PTBP3: variants seen among roughly 807,000 people sequenced by gnomAD.
PTBP3 encodes polypyrimidine tract binding protein 3, also known as polypyrimidine tract-binding protein 3.
PTBP3 carries 20 observed loss-of-function variants against 58.7 expected under a neutral mutation model. That is an observed-to-expected ratio of 0.34 (90% confidence interval 0.24 to 0.50). The LOEUF (loss-of-function observed/expected upper bound fraction) is 0.50, where lower values mean the gene tolerates loss of function less well. PTBP3 is among the 20% of genes least tolerant of loss of function. The pLI is 0.98. For synonymous variants in PTBP3, 185 were observed against 219.8 expected (o/e 0.84, Z 1.40); for missense variants, 509 against 637.2 (o/e 0.80, Z 2.17).
chr9:112,332,814 G>T, intron 1 of PTBP3: 1 of 1,612,568 alleles, frequency 6.2e-7, no homozygotes, highest in Non-Finnish European at 8.5e-7. Flanking sequence ...GTTTCTTGGG[G>T]AGAGAGAAAG....
At chr9:112,311,201 T>G (rs561786167) in intron 1 of PTBP3, among the ~76,000 whole-genome samples, 2 of 152,216 alleles carry the variant, frequency 1.3e-5, no homozygotes, top group East Asian at 1.9e-4. Flanking sequence ...AATGTGTTTT[T>G]TTTTTTTTAA....
the PTBP3 span, among the ~76,000 whole-genome samples, chr9:112,352,210 G>A: frequency 7.9e-5 from 12 of 152,128 alleles, no homozygotes; most frequent in Non-Finnish European, 1.5e-4. Context: ...ATGTGCCACT[G>A]TACCCTGCCT....
chr9:112,226,292 A>G (rs1178599215), intron 12 of PTBP3, among the ~76,000 whole-genome samples: 1 of 151,892 alleles, frequency 6.6e-6, no homozygotes, highest in Non-Finnish European at 1.5e-5. Flanking sequence ...ACTGGAGACC[A>G]GCAGGGAGGC....
chr9:112,336,644 A>G (rs929029784), upstream of PTBP3, among the ~76,000 whole-genome samples: 2 of 152,074 alleles, frequency 1.3e-5, no homozygotes, highest in Middle Eastern at 3.4e-3. Context: ...AAAATAAATT[A>G]TTAAAGTTAT....
chr9:112,339,158 G>T, the PTBP3 span, among the ~76,000 whole-genome samples: 1 of 151,986 alleles, frequency 6.6e-6, no homozygotes, highest in African/African-American at 2.4e-5. Context: ...AGGCGTGGTG[G>T]CTCATGCCTG....
chr9:112,341,451 C>A, the PTBP3 span, among the ~76,000 whole-genome samples: 3 of 151,822 alleles, frequency 2.0e-5, no homozygotes, highest in Non-Finnish European at 4.4e-5. Flanking sequence ...ATTTTATTCC[C>A]TTGTTTGTAT....
At chr9:112,312,231 A>G (rs1259057613) in intron 1 of PTBP3, among the ~76,000 whole-genome samples, 2 of 152,044 alleles carry the variant, frequency 1.3e-5, no homozygotes, top group Non-Finnish European at 2.9e-5. Flanking sequence ...TTAAGACATA[A>G]AAAAAAGTGG....
intron 1 of PTBP3, among the ~76,000 whole-genome samples, chr9:112,316,944 G>C (rs1331889384): frequency 2.7e-5 from 4 of 146,470 alleles, no homozygotes; most frequent in Non-Finnish European, 3.0e-5. Flanking sequence ...TGCACTCCAG[G>C]TTGGGCGACA....
chr9:112,257,047 C>T (rs1836397837), intron 5 of PTBP3, among the ~76,000 whole-genome samples: 1 of 152,170 alleles, frequency 6.6e-6, no homozygotes, highest in Non-Finnish European at 1.5e-5. Flanking sequence ...ACTCACCTTT[C>T]AGATTTTGTT....
At chr9:112,376,155 G>GAATATATATA in the PTBP3 span, among the ~76,000 whole-genome samples, 1 of 58,502 alleles carries the variant, frequency 1.7e-5, no homozygotes, top group East Asian at 4.5e-4. Flanking sequence ...GTTCTCTAGA[G>GAATATATATA]GATATATATA....
chr9:112,238,465 C>G (rs146999251), intron 7 of PTBP3, among the ~76,000 whole-genome samples: 129 of 152,182 alleles, frequency 8.5e-4, no homozygotes, highest in Admixed American at 1.6e-3. Context: ...CATGTCTAAT[C>G]AAAGCTCCAG....
chr9:112,316,121 C>A (rs558571256), intron 1 of PTBP3, among the ~76,000 whole-genome samples: 1 of 152,294 alleles, frequency 6.6e-6, no homozygotes, highest in Non-Finnish European at 1.5e-5. Context: ...ATATGCATTA[C>A]ACCTGGATCA....
intron 2 of PTBP3, among the ~76,000 whole-genome samples, chr9:112,295,245 GAAAAAAA>G (rs200186001): frequency 1.0e-4 from 12 of 118,562 alleles, no homozygotes; most frequent in Non-Finnish European, 1.8e-4. Flanking sequence ...AGTCTCAAAA[GAAAAAAA>G]AAAAAAAAAG....
chr9:112,252,814 A>C (rs770494412), intron 5 of PTBP3, 26 bp from the exon 6 acceptor site: 1 of 1,298,966 alleles, frequency 7.7e-7, no homozygotes, highest in East Asian at 2.3e-5. Flanking sequence ...CATTAGGTTA[A>C]ATGTAAAAGA....
the PTBP3 span, among the ~76,000 whole-genome samples, chr9:112,374,328 C>T: frequency 3.3e-5 from 5 of 152,300 alleles, no homozygotes; most frequent in East Asian, 9.6e-4. Flanking sequence ...ACTAAGACCT[C>T]TAGGCCATCA....
In PTBP3 at chr9:112,220,099, T is replaced by C; in HGVS notation, c.*3752A>G. ...GCTTTACGCATCGTCACGCTGTCTC[T>C]TTTTGGTTTTAAAAATAGCAGTACA... On this transcript the variant is annotated 3_prime_UTR_variant, in exon 14 of 14. Coordinates refer to ENST00000374257, the MANE Select transcript of PTBP3 (RefSeq NM_001163788.4). 2.4e-6 allele frequency: 3 copies of C among 1,233,080 alleles called. No individual in the cohort carries two copies. Among genetic ancestry groups the C allele is most frequent in the Non-Finnish European group, 3.1e-6 (3 of 960,370 alleles). The allele number at this position is 1,233,080 out of a possible 1,614,324, so 76.4% of individuals were successfully genotyped here. A position where few individuals can be genotyped will look rare whatever the true frequency, so the allele number is the denominator to read the frequency against.
At chr9:112,368,795 C>CG in the PTBP3 span, among the ~76,000 whole-genome samples, 19 of 152,236 alleles carry the variant, frequency 1.2e-4, no homozygotes, top group East Asian at 1.5e-3. Context: ...ATCAAGACAA[C>CG]GGGGGAAAAT....
intron 1 of PTBP3, among the ~76,000 whole-genome samples, chr9:112,308,254 TGG>T (rs1357740457): frequency 6.6e-6 from 1 of 151,424 alleles, no homozygotes; most frequent in Non-Finnish European, 1.5e-5. Flanking sequence ...CTCAAACTCC[TGG>T]GCTCAAGTGA....
At chr9:112,234,591 A>G (rs1029380690) in intron 8 of PTBP3, among the ~76,000 whole-genome samples, 2 of 152,234 alleles carry the variant, frequency 1.3e-5, no homozygotes, top group African/African-American at 4.8e-5. Flanking sequence ...GCAAACATAA[A>G]TGATGCAGAA....
Sources: gnomAD v4.1 joint callset for allele counts (sites outside exome capture counted in the v4.1 genomes callset) on GRCh38, gnomAD v4.1.1 for gene constraint, MANE v1.5 for transcripts, NCBI Gene and HGNC (gene_info 2026-07-23, HGNC 2026-07-21) for gene names.